ZBTB8A: variants seen among roughly 807,000 people sequenced by gnomAD.
ZBTB8A encodes the protein zinc finger and BTB domain-containing protein 8A.
ZBTB8A carries 19 observed loss-of-function variants against 37.8 expected under a neutral mutation model. That is an observed-to-expected ratio of 0.50 (90% CI 0.35 to 0.74). ZBTB8A has a LOEUF of 0.74. ZBTB8A is among the 30% of genes least tolerant of loss of function. ZBTB8A has a pLI of 0.01. For synonymous variants in ZBTB8A, 181 were observed against 185.2 expected, an observed-to-expected ratio of 0.98 and a Z score of 0.19; for missense variants, 394 against 537.8, an observed-to-expected ratio of 0.73 and a Z score of 2.65.
At chr1:32,599,480 C>T (rs781501334) in intron 4 of ZBTB8A, among the ~76,000 whole-genome samples, 14 of 151,910 alleles carry the variant, frequency 9.2e-5, no homozygotes, top group African/African-American at 2.2e-4. Context: ...GCACTTTGGG[C>T]GGCCGAGGCA....
At chr1:32,585,288 A>G (rs1351430272) in intron 2 of ZBTB8A, among the ~76,000 whole-genome samples, 1 of 152,032 alleles carries the variant, frequency 6.6e-6, no homozygotes, top group Admixed American at 6.6e-5. Flanking sequence ...TGCTGGGATT[A>G]TAGGTGTGAG....
chr1:32,565,987 G>A lies in ZBTB8A; in HGVS notation c.-2+12447G>A, dbSNP rs150617137. 3.8e-4 allele frequency among the ~76,000 whole-genome samples: 57 copies of A among 151,756 alleles called. No homozygotes were observed. In the East Asian group the frequency reaches 3.9e-3, roughly 10 times the overall value. On this transcript the variant is annotated intron_variant, in intron 2 of 4. Transcript: ENST00000373510. ...GAGGCTGAGGCAGGCAGATCATGACGTCAGGAGATCGAGACCATCCTGGCT... is the reference window on the plus strand; with the variant it reads ...GAGGCTGAGGCAGGCAGATCATGACATCAGGAGATCGAGACCATCCTGGCT...
chr1:32,605,268 A>C lies in ZBTB8A; in HGVS notation c.*4849A>C, dbSNP rs1022061260. ...CCAGAAAGTTTTGTTATTTTATATA[A>C]GTGTATCAGTATTACTATTTATCAT... On this transcript the variant is annotated 3_prime_UTR_variant, in exon 5 of 5. Coordinates refer to ENST00000373510, the MANE Select transcript of ZBTB8A (RefSeq NM_001040441.3). 7.2e-5 allele frequency: 11 copies of C among 152,170 alleles called. No individual in the cohort carries two copies. The highest frequency in any genetic ancestry group is 2.4e-4 in the African/African-American group (10 of 41,540). 9.4% of individuals were successfully genotyped at this position (152,170 alleles called of 1,614,324 possible).
chr1:32,572,121 T>C (rs1644327005), intron 2 of ZBTB8A, among the ~76,000 whole-genome samples: 1 of 152,122 alleles, frequency 6.6e-6, no homozygotes, highest in Non-Finnish European at 1.5e-5. Context: ...TGTAGTTTTA[T>C]TTTCTTATAA....
intron 2 of ZBTB8A, among the ~76,000 whole-genome samples, chr1:32,586,015 C>CA (rs200260988): frequency 1.9e-4 from 27 of 144,134 alleles, no homozygotes; most frequent in Admixed American, 8.5e-4. Context: ...AAAACAAAAA[C>CA]AAAAAAAAAG....
intron 2 of ZBTB8A, among the ~76,000 whole-genome samples, chr1:32,573,963 C>G (rs1644342269): frequency 1.3e-5 from 2 of 151,616 alleles, no homozygotes; most frequent in Non-Finnish European, 2.9e-5. Flanking sequence ...GTAATCCCAG[C>G]TATTCGGGAG....
chr1:32,591,204 C>T lies in ZBTB8A; in HGVS notation c.-1-1727C>T, dbSNP rs538646037. Among the ~76,000 whole-genome samples the T allele has an allele frequency of 7.9e-5, 12 of 151,376 alleles. No homozygotes were observed. In the East Asian group the frequency reaches 9.7e-4, roughly 12 times the overall value. On this transcript the variant is annotated intron_variant, in intron 2 of 4. Coordinates refer to ENST00000373510, the MANE Select transcript of ZBTB8A (RefSeq NM_001040441.3). ...GATTACAGGTGTGAGCCACCACTCCCGGCCTAATTTAACTTTTTTAGAGAC... is the reference window on the plus strand; with the variant it reads ...GATTACAGGTGTGAGCCACCACTCCTGGCCTAATTTAACTTTTTTAGAGAC...
chr1:32,584,578 C>T (rs1644432563), intron 2 of ZBTB8A, among the ~76,000 whole-genome samples: 1 of 139,670 alleles, frequency 7.2e-6, no homozygotes, highest in African/African-American at 2.7e-5. Context: ...GTGGCACAAA[C>T]AAGGATCACT....
rs577481246 is a variant in ZBTB8A, at chr1:32,592,726, C to T, written c.-1-205C>T. The stretch of plus-strand genomic sequence containing the variant: ...TTCGCCATGTTGTCCAGGCTGGCCT[C>T]GAACTCCTGACCTCAGGTGATCTCC... On this transcript the variant is annotated intron_variant, in intron 2 of 4. Coordinates refer to ENST00000373510, the MANE Select transcript of ZBTB8A (RefSeq NM_001040441.3). Among the ~76,000 whole-genome samples the T allele has an allele frequency of 5.3e-5, 8 of 152,070 alleles. No individual in the cohort carries two copies. In the East Asian group the frequency reaches 5.8e-4, roughly 11 times the overall value.
At chr1:32,552,780 A>G (rs1644167352) in intron 1 of ZBTB8A, among the ~76,000 whole-genome samples, 1 of 151,360 alleles carries the variant, frequency 6.6e-6, no homozygotes, top group Non-Finnish European at 1.5e-5. Context: ...AAAGTTATAT[A>G]TATAAAACAT....
intron 1 of ZBTB8A, among the ~76,000 whole-genome samples, chr1:32,551,018 T>C (rs1644151318): frequency 6.6e-6 from 1 of 151,150 alleles, no homozygotes; most frequent in Non-Finnish European, 1.5e-5. Context: ...TGGACAGTAG[T>C]TAATATGCCC....
chr1:32,596,745 A>G (rs6673492), intron 4 of ZBTB8A, among the ~76,000 whole-genome samples: 19,303 of 152,166 alleles, frequency 0.13, 1,337 homozygotes, highest in African/African-American at 0.21. Flanking sequence ...AATCTCCTTC[A>G]AGACCTTGAA....
intron 1 of ZBTB8A, among the ~76,000 whole-genome samples, chr1:32,549,503 A>G (rs1644133953): frequency 6.6e-6 from 1 of 151,972 alleles, no homozygotes; most frequent in African/African-American, 2.4e-5. Context: ...AAAAAAAAAA[A>G]AAAAGACTGC....
chr1:32,598,323 C>G (rs1644548798), intron 4 of ZBTB8A, among the ~76,000 whole-genome samples: 1 of 149,118 alleles, frequency 6.7e-6, no homozygotes. Context: ...ACCTCCGCCT[C>G]CCGGGCTCAA....
intron 2 of ZBTB8A, among the ~76,000 whole-genome samples, chr1:32,591,703 A>G (rs1204994643): frequency 6.6e-6 from 1 of 152,046 alleles, no homozygotes; most frequent in Admixed American, 6.6e-5. Context: ...GCTTGAGCCT[A>G]GGAGTTCAAG....
At chr1:32,584,914 C>A (rs756175954) in intron 2 of ZBTB8A, among the ~76,000 whole-genome samples, 6 of 151,826 alleles carry the variant, frequency 4.0e-5, no homozygotes, top group African/African-American at 1.2e-4. Flanking sequence ...TATGGGAGAT[C>A]CTAGCACATG....
At chr1:32,548,446 C>T (rs1209727748) in intron 1 of ZBTB8A, among the ~76,000 whole-genome samples, 2 of 151,956 alleles carry the variant, frequency 1.3e-5, no homozygotes, top group Non-Finnish European at 2.9e-5. Flanking sequence ...GCGATTCTCC[C>T]GTCTCAGCCT....
rs1644565900 is a variant in ZBTB8A at position 32,600,310 on chromosome 1, A to C, written c.1217A>C (p.Asn406Thr). Reference protein sequence around the residue: ...DSRWHLSEDENRSYVEIVEDG... With the variant: ...DSRWHLSEDETRSYVEIVEDG... ...AGATGGCACTTGAGTGAAGATGAGAATAGATCCTATGTGGAGATTGTAGAA... is the reference window on the plus strand; with the variant it reads ...AGATGGCACTTGAGTGAAGATGAGACTAGATCCTATGTGGAGATTGTAGAA... Residue 406 changes from asparagine to threonine, a missense_variant, in exon 5 of 5, where the codon AAT becomes ACT. By Grantham distance (65) the Asn-to-Thr change is moderately conservative. Coordinates refer to ENST00000373510, the MANE Select transcript of ZBTB8A (RefSeq NM_001040441.3). The C allele has an allele frequency of 2.5e-6, 4 of 1,614,160 alleles. No individual in the cohort carries two copies. The highest frequency in any genetic ancestry group is 2.5e-6 in the Non-Finnish European group (3 of 1,179,992).
chr1:32,552,038 T>C (rs886967478), intron 1 of ZBTB8A, among the ~76,000 whole-genome samples: 2 of 152,204 alleles, frequency 1.3e-5, no homozygotes, highest in South Asian at 2.1e-4. Context: ...TTGAATAGTG[T>C]TGTCTTAAGT....
Sources: allele counts gnomAD v4.1 joint callset (sites outside exome capture counted in the v4.1 genomes callset), GRCh38; gene constraint gnomAD v4.1.1; transcripts MANE v1.5; gene names NCBI Gene and HGNC (gene_info 2026-07-23, HGNC 2026-07-21).